The following EBF1 variants were observed in gnomAD, a reference collection of about 807,000 sequenced individuals.
EBF1 encodes the protein transcription factor COE1.
A neutral mutation model predicts 68.4 loss-of-function variants in EBF1; 10 were observed. That is an observed-to-expected ratio of 0.15 (90% CI 0.09 to 0.25). The LOEUF is 0.25. Ranked by LOEUF, EBF1 falls within the 10% of genes least tolerant of loss-of-function variation. The pLI is 1.00. For synonymous variants in EBF1, 298 were observed against 299.8 expected (o/e 0.99, Z 0.06); for missense variants, 509 against 794.4 (o/e 0.64, Z 4.32).
At chr5:158,862,092 C>T (rs556191316) in intron 6 of EBF1, among the ~76,000 whole-genome samples, 2 of 152,126 alleles carry the variant, frequency 1.3e-5, no homozygotes, top group South Asian at 4.1e-4. Context: ...TAAATAATCC[C>T]TTGGTGAACA....
Position 158,713,073 on chromosome 5 carries a change from C to T in EBF1, c.1266G>A (p.Pro422=), listed in dbSNP as rs143017293. The change falls in exon 13 of 16, where the codon CCG becomes CCA. Residue 422 remains proline (P), a synonymous_variant. Coordinates refer to ENST00000313708, the MANE Select transcript of EBF1 (RefSeq NM_024007.5). ...YSVPRNHNQL[P]ALANTSVHAG... ...CGTGGACCGAGGTGTTAGCAAGGGC[C>T]GGGAGTTGGTTGTGGTTGCGGGGAA... 6.6e-5 allele frequency: 106 copies of T among 1,596,566 alleles called. No homozygotes were observed. Among genetic ancestry groups the T allele is most frequent in the South Asian group, 2.0e-4 (18 of 88,222 alleles).
chr5:159,084,612 T>C, intron 5 of EBF1, 54 bp downstream of exon 5: 1 of 1,406,114 alleles, frequency 7.1e-7, no homozygotes, highest in East Asian at 2.5e-5. Flanking sequence ...AGATTTGAAA[T>C]GCAAATTCAT....
At chr5:158,909,362 A>T (rs1479372683) in intron 6 of EBF1, among the ~76,000 whole-genome samples, 1 of 152,204 alleles carries the variant, frequency 6.6e-6, no homozygotes, top group Non-Finnish European at 1.5e-5. Context: ...TTTAGAAGAC[A>T]CAGAAACAAA....
chr5:159,090,521 G>C (rs889803271), intron 4 of EBF1, among the ~76,000 whole-genome samples: 1 of 152,142 alleles, frequency 6.6e-6, no homozygotes, highest in Non-Finnish European at 1.5e-5. Flanking sequence ...AAGTGAATTA[G>C]GAAAGTTGCG....
intron 6 of EBF1, among the ~76,000 whole-genome samples, chr5:158,992,850 T>A (rs1760623480): frequency 6.6e-6 from 1 of 151,978 alleles, no homozygotes; most frequent in Admixed American, 6.6e-5. Context: ...TCTATTTTGC[T>A]GCTGAAGTGT....
intron 10 of EBF1, among the ~76,000 whole-genome samples, chr5:158,758,521 T>C (rs1770649349): frequency 6.6e-6 from 1 of 152,188 alleles, no homozygotes; most frequent in Admixed American, 6.6e-5. Context: ...CAAATGCACC[T>C]GCCCTTTATA....
intron 8 of EBF1, 126 bp downstream of exon 8, chr5:158,823,050 C>T: frequency 1.5e-6 from 2 of 1,330,324 alleles, no homozygotes; most frequent in Non-Finnish European, 2.1e-6. Flanking sequence ...CCCTAGAGGA[C>T]CAATCTTATT....
chr5:158,902,838 G>C (rs964732344), intron 6 of EBF1, among the ~76,000 whole-genome samples: 4 of 152,058 alleles, frequency 2.6e-5, no homozygotes, highest in Non-Finnish European at 4.4e-5. Context: ...AGCAGGCAAG[G>C]GTTCTAACTG....
At chr5:158,791,458 A>G (rs550122788) in intron 9 of EBF1, among the ~76,000 whole-genome samples, 16 of 152,262 alleles carry the variant, frequency 1.1e-4, no homozygotes, top group Admixed American at 6.5e-5. Context: ...TGATTGGGCA[A>G]TGGAAGGACA....
Position 158,699,252 on chromosome 5 carries a change from G to A in EBF1, c.1745-110C>T, listed in dbSNP as rs10058026. The A allele has an allele frequency of 1.8e-4, 196 of 1,116,120 alleles. 1 individual carries two copies. The African/African-American group carries it at 2.3e-3, about 13-fold the overall frequency. 69.1% of individuals were successfully genotyped at this position (1,116,120 alleles called of 1,614,324 possible). The stretch of plus-strand genomic sequence containing the variant: ...ACACCCACACACAACTATGTTGTTC[G>A]ACTATTAGCCACAAATTTGCTCTCA... On this transcript the variant is annotated intron_variant, in intron 15 of 15. Coordinates refer to ENST00000313708, the MANE Select transcript of EBF1 (RefSeq NM_024007.5).
chr5:159,023,488 C>G (rs559702864), intron 6 of EBF1, among the ~76,000 whole-genome samples: 1 of 152,164 alleles, frequency 6.6e-6, no homozygotes, highest in Middle Eastern at 3.2e-3. Flanking sequence ...TACTGATAGA[C>G]TTGACCCCAC....
At chr5:158,729,866 G>A (rs1001201778) in intron 11 of EBF1, among the ~76,000 whole-genome samples, 3 of 152,158 alleles carry the variant, frequency 2.0e-5, no homozygotes, top group East Asian at 1.9e-4. Context: ...AGCAGTTAGC[G>A]CTCCTCCTCT....
intron 4 of EBF1, among the ~76,000 whole-genome samples, chr5:159,084,990 A>G (rs372953456): frequency 3.9e-5 from 6 of 152,192 alleles, no homozygotes; most frequent in African/African-American, 1.4e-4. Context: ...GATGGGCAAG[A>G]CAGCCACAAT....
intron 5 of EBF1, among the ~76,000 whole-genome samples, chr5:159,082,203 C>A (rs1230379068): frequency 2.0e-5 from 3 of 152,164 alleles, no homozygotes; most frequent in Admixed American, 6.5e-5. Flanking sequence ...GATCTAAATT[C>A]TCTGTGTCTC....
intron 4 of EBF1, among the ~76,000 whole-genome samples, chr5:159,087,371 C>CATATATAT (rs1780877534): frequency 1.4e-5 from 2 of 141,748 alleles, no homozygotes; most frequent in African/African-American, 2.6e-5. Context: ...TATATATACA[C>CATATATAT]ACATATATAT....
At chr5:158,987,741 G>A (rs574731657) in intron 6 of EBF1, among the ~76,000 whole-genome samples, 81 of 152,274 alleles carry the variant, frequency 5.3e-4, no homozygotes, top group Middle Eastern at 6.8e-3. Context: ...CCAGGAAAAA[G>A]ATATAAGAAC....
chr5:158,954,595 C>T (rs545635376), intron 6 of EBF1, among the ~76,000 whole-genome samples: 6 of 152,228 alleles, frequency 3.9e-5, no homozygotes, highest in Non-Finnish European at 7.4e-5. Context: ...TGAGGGGGTA[C>T]GGAGAATTTA....
At position 158,924,109 on chromosome 5, in the gene EBF1, T is replaced by C. The variant is rs147935586; in HGVS notation, c.555-83999A>G. Among the ~76,000 whole-genome samples the C allele has an allele frequency of 2.6e-5, 4 of 152,310 alleles. No homozygotes were observed. In the East Asian group the frequency reaches 7.7e-4, roughly 29 times the overall value. On this transcript the variant is annotated intron_variant, in intron 6 of 15. Coordinates refer to ENST00000313708, the MANE Select transcript of EBF1 (RefSeq NM_024007.5). ...TCATCTAACTTTTTATCCCCTAGCA[T>C]TCCACTCCTGGGTTCACCCTGGGGC... is the stretch of plus-strand genomic sequence containing the variant.
intron 6 of EBF1, among the ~76,000 whole-genome samples, chr5:158,992,045 C>T (rs935607448): frequency 1.3e-5 from 2 of 152,134 alleles, no homozygotes; most frequent in African/African-American, 4.8e-5. Flanking sequence ...CTAAATCCTG[C>T]TTGGCTCACC....
Sources: gnomAD v4.1 joint callset for allele counts (sites outside exome capture counted in the v4.1 genomes callset) on GRCh38, gnomAD v4.1.1 for gene constraint, MANE v1.5 for transcripts, NCBI Gene and HGNC (gene_info 2026-07-23, HGNC 2026-07-21) for gene names.